The following PEBP4 variants were observed in gnomAD, a reference collection of about 807,000 sequenced individuals.
PEBP4 encodes phosphatidylethanolamine-binding protein 4.
PEBP4 carries 22 observed loss-of-function variants against 23.9 expected under a neutral mutation model. The observed-to-expected ratio is 0.92, with a 90% CI of 0.66 to 1.31. The LOEUF (loss-of-function observed/expected upper bound fraction) is 1.31, where lower values mean the gene tolerates loss of function less well. Among genes scored for constraint, PEBP4 ranks in the 40% most tolerant of loss-of-function variants. The pLI, the probability that PEBP4 is intolerant of heterozygous loss-of-function variation, is 0.00. For missense variants in PEBP4, 324 were observed against 281.7 expected (o/e 1.15, Z -1.07); for synonymous variants, 112 against 99.3 (o/e 1.13, Z -0.76).
chr8:22,934,309 G>A (rs1057205834), intron 1 of PEBP4, among the ~76,000 whole-genome samples: 1 of 152,154 alleles, frequency 6.6e-6, no homozygotes, highest in Admixed American at 6.6e-5. Context: ...AACACAAAAT[G>A]GGGGGCACGG....
chr8:22,728,605 TTCCTTCCC>T (rs1316697008), intron 4 of PEBP4, among the ~76,000 whole-genome samples: 132 of 123,628 alleles, frequency 1.1e-3, no homozygotes, highest in East Asian at 0.011. Flanking sequence ...CCTTCCTTCC[TTCCTTCCC>T]TTTTTTTGGA....
chr8:22,791,102 A>T (rs1806127689), intron 4 of PEBP4, among the ~76,000 whole-genome samples: 1 of 152,144 alleles, frequency 6.6e-6, no homozygotes, highest in Non-Finnish European at 1.5e-5. Flanking sequence ...ATTGCCCTAA[A>T]GGGCTGCCTC....
At position 22,789,932 on chromosome 8, in the gene PEBP4, C is replaced by G. The variant is rs372946796; in HGVS notation, c.357+27705G>C. 1.4e-4 allele frequency among the ~76,000 whole-genome samples: 22 copies of G among 152,368 alleles called. No individual in the cohort carries two copies. The South Asian group carries it at 4.1e-3, about 29-fold the overall frequency. On this transcript the variant is annotated intron_variant, in intron 4 of 6. Coordinates refer to ENST00000256404, the MANE Select transcript of PEBP4 (RefSeq NM_144962.3). ...GTTGATTTGGTAATTCTGTAGCACT[C>G]TTTCTGATGCAAGAGAGAGGGTGTT...
At chr8:22,829,677 C>G (rs1455077674) in intron 3 of PEBP4, among the ~76,000 whole-genome samples, 1 of 152,142 alleles carries the variant, frequency 6.6e-6, no homozygotes, top group Non-Finnish European at 1.5e-5. Context: ...AATACCTTCT[C>G]TCTCTTGAAT....
chr8:22,720,657 A>G (rs1055348349), intron 6 of PEBP4, among the ~76,000 whole-genome samples: 1 of 152,214 alleles, frequency 6.6e-6, no homozygotes, highest in African/African-American at 2.4e-5. Context: ...AGCGTCACAT[A>G]GCTGTCCTGT....
chr8:22,898,134 G>C (rs913089415), intron 3 of PEBP4, among the ~76,000 whole-genome samples: 18 of 151,854 alleles, frequency 1.2e-4, no homozygotes, highest in African/African-American at 4.4e-4. Flanking sequence ...GCTCACGCCT[G>C]TAATCCCAGC....
At chr8:22,748,800 G>A (rs113507310) in intron 4 of PEBP4, among the ~76,000 whole-genome samples, 2,299 of 152,100 alleles carry the variant, frequency 0.015, 26 homozygotes, top group South Asian at 0.027. Flanking sequence ...GCCTTTTCTC[G>A]GCCACCACTA....
chr8:22,933,121 C>G (rs943809286), intron 1 of PEBP4, among the ~76,000 whole-genome samples: 3 of 152,130 alleles, frequency 2.0e-5, no homozygotes, highest in Admixed American at 6.5e-5. Flanking sequence ...TCCTTAAACT[C>G]AAAGAAGGAG....
At chr8:22,735,959 C>A (rs534170788) in intron 4 of PEBP4, among the ~76,000 whole-genome samples, 1 of 152,384 alleles carries the variant, frequency 6.6e-6, no homozygotes, top group Non-Finnish European at 1.5e-5. Flanking sequence ...GATCCTACCA[C>A]ATAGAGACAA....
intron 3 of PEBP4, among the ~76,000 whole-genome samples, chr8:22,847,263 C>G (rs1017380031): frequency 1.3e-5 from 2 of 152,172 alleles, no homozygotes; most frequent in African/African-American, 2.4e-5. Flanking sequence ...ATCTGCCATC[C>G]TCTCCCATCC....
chr8:22,745,411 G>A (rs1805091435), intron 4 of PEBP4, among the ~76,000 whole-genome samples: 1 of 152,174 alleles, frequency 6.6e-6, no homozygotes, highest in South Asian at 2.1e-4. Flanking sequence ...CAGAGGCTGG[G>A]GCCCCATGGC....
intron 4 of PEBP4, among the ~76,000 whole-genome samples, chr8:22,783,529 C>A (rs959865456): frequency 6.6e-6 from 1 of 152,218 alleles, no homozygotes. Context: ...AGTGAGAGGC[C>A]TGAGGCTCTG....
intron 1 of PEBP4, among the ~76,000 whole-genome samples, chr8:22,939,380 T>C (rs1031040361): frequency 1.3e-5 from 2 of 152,066 alleles, no homozygotes; most frequent in African/African-American, 4.8e-5. Flanking sequence ...GAAAATGAAA[T>C]CTTGGCTCTA....
chr8:22,768,314 A>G (rs1021414337), intron 4 of PEBP4, among the ~76,000 whole-genome samples: 1 of 152,268 alleles, frequency 6.6e-6, no homozygotes, highest in Non-Finnish European at 1.5e-5. Context: ...TTGCAGAGAC[A>G]GGACCCTCTT....
chr8:22,896,512 C>T (rs1421956815), intron 3 of PEBP4, among the ~76,000 whole-genome samples: 1 of 152,206 alleles, frequency 6.6e-6, no homozygotes, highest in Non-Finnish European at 1.5e-5. Context: ...CTCCTACTCT[C>T]ACTTTCCTGA....
At position 22,927,595 on chromosome 8, in the gene PEBP4, G is replaced by T; in HGVS notation, c.120C>A (p.Thr40=). 1 of 1,610,874 alleles carries T rather than the reference G, an allele frequency of 6.2e-7. No individual in the cohort carries two copies. ...CTGCCCTGACTTACTGGCAAAAGAGGGTGTCCTCGTCCAAGAGGGCCTCAT... is the reference window on the plus strand; with the variant it reads ...CTGCCCTGACTTACTGGCAAAAGAGTGTGTCCTCGTCCAAGAGGGCCTCAT... ...CAHEALLDED[T]LFCQGLEVFY... is the part of the protein sequence containing the mutation. The change falls in exon 2 of 7, where the codon ACC becomes ACA. Residue 40 remains threonine (T), a synonymous_variant. Transcript: ENST00000256404.
intron 4 of PEBP4, among the ~76,000 whole-genome samples, chr8:22,808,145 C>T (rs1030538179): frequency 2.0e-5 from 3 of 151,574 alleles, no homozygotes; most frequent in African/African-American, 7.3e-5. Flanking sequence ...ATCCATTCAT[C>T]ACTCCATCCA....
chr8:22,771,842 C>G (rs144467543), intron 4 of PEBP4, among the ~76,000 whole-genome samples: 215 of 152,356 alleles, frequency 1.4e-3, no homozygotes, highest in African/African-American at 5.1e-3. Context: ...TCTGTACGAA[C>G]TGCCCCTTAA....
In PEBP4 at chr8:22,900,509, C is replaced by T. The variant is rs550292343; in HGVS notation, c.258+19675G>A. On this transcript the variant is annotated intron_variant, in intron 3 of 6. Coordinates refer to ENST00000256404, the MANE Select transcript of PEBP4 (RefSeq NM_144962.3). ...ACTAAAAATACAAAAATTAGGCAGG[C>T]GTGGTTGCAGGCGCCTGTAATCCCA... Among the ~76,000 whole-genome samples, 14 of 152,040 alleles carry T rather than the reference C, an allele frequency of 9.2e-5. No homozygotes were observed. The South Asian group carries it at 2.3e-3, about 25-fold the overall frequency.
Sources: allele counts gnomAD v4.1 joint callset (sites outside exome capture counted in the v4.1 genomes callset), GRCh38; gene constraint gnomAD v4.1.1; transcripts MANE v1.5; gene names NCBI Gene and HGNC (gene_info 2026-07-23, HGNC 2026-07-21).